The following TCEA2 variants were observed in gnomAD, a reference collection of about 807,000 sequenced individuals.
TCEA2 encodes transcription elongation factor A protein 2.
TCEA2 carries 21 observed loss-of-function variants against 40.8 expected under a neutral mutation model. The observed-to-expected ratio is 0.51, with a 90% CI of 0.36 to 0.74. The LOEUF (loss-of-function observed/expected upper bound fraction) is 0.74. TCEA2 is among the 30% of genes least tolerant of loss of function. The probability of loss-of-function intolerance (pLI) is 0.00; values close to 1 mark genes in which losing one functional copy is unlikely to be tolerated. For missense variants in TCEA2, 326 were observed against 426.5 expected, an observed-to-expected ratio of 0.76 and a Z score of 2.08; for synonymous variants, 165 against 162.7, an observed-to-expected ratio of 1.01 and a Z score of -0.11.
chr20:64,065,305 AC>A (rs869172119), intron 1 of TCEA2, among the ~76,000 whole-genome samples: 1 of 40,024 alleles, frequency 2.5e-5, no homozygotes, highest in Non-Finnish European at 7.9e-5. Context: ...GCGTGAGCAG[AC>A]TATGCCACCC....
At chr20:64,062,162 C>T (rs1027150053), upstream of TCEA2, among the ~76,000 whole-genome samples, 14 of 152,234 alleles carry the variant, frequency 9.2e-5, no homozygotes, top group South Asian at 2.1e-4. Context: ...CCTCATAGTT[C>T]GTTGGCCTGA....
At position 64,063,242 on chromosome 20, in the gene TCEA2, G is replaced by A. The variant is rs1012612908; in HGVS notation, c.-71G>A. 29 of 1,365,294 alleles carry A rather than the reference G, an allele frequency of 2.1e-5. No homozygotes were observed. In the African/African-American group the frequency reaches 3.8e-4, roughly 18 times the overall value. The allele number at this position is 1,365,294 out of a possible 1,614,324, so 84.6% of individuals were successfully genotyped here. A position where few individuals can be genotyped will look rare whatever the true frequency, so the allele number is the denominator to read the frequency against. ...TGCGGCGGGTGTGGGAGGTGGCGACGGCCGGGGCCGGGGTCCTGCCCGGCT... is the reference window on the plus strand; with the variant it reads ...TGCGGCGGGTGTGGGAGGTGGCGACAGCCGGGGCCGGGGTCCTGCCCGGCT... On this transcript the variant is annotated 5_prime_UTR_variant, in exon 1 of 10. Coordinates refer to ENST00000343484, the MANE Select transcript of TCEA2 (RefSeq NM_003195.6).
At chr20:64,069,929 G>A (rs1174326887) in intron 6 of TCEA2, 108 bp downstream of exon 6, 2 of 1,393,706 alleles carry the variant, frequency 1.4e-6, no homozygotes, top group Middle Eastern at 1.8e-4. Context: ...GCTGTCCAGG[G>A]GTCACCTGCC....
intron 4 of TCEA2, 72 bp from the exon 5 acceptor site, chr20:64,069,289 T>C: frequency 6.7e-7 from 1 of 1,497,410 alleles, no homozygotes; most frequent in South Asian, 1.3e-5. Context: ...CACCTGCTGC[T>C]TCTAGGACCA....
Position 64,058,039 on chromosome 20 carries a change from A to G in TCEA2, c.-84+388A>G, listed in dbSNP as rs2059496854. Reference sequence around the variant, plus strand: ...ATCCCACCGGATTGCAGGTTCCCTGATCACCAGGATGGGCCTACACCTCTC... The same window carrying G: ...ATCCCACCGGATTGCAGGTTCCCTGGTCACCAGGATGGGCCTACACCTCTC... On this transcript the variant is annotated intron_variant, in intron 1 of 10. Transcript: ENST00000361317. The surrounding 1 kb of genome is among the most constrained non-coding windows in gnomAD (Gnocchi z 6.7). 6.6e-6 allele frequency among the ~76,000 whole-genome samples: 1 copy of G among 152,166 alleles called. No individual in the cohort carries two copies. The highest frequency in any genetic ancestry group is 6.5e-5 in the Admixed American group (1 of 15,280).
chr20:64,059,693 G>T (rs1043516824), upstream of TCEA2, among the ~76,000 whole-genome samples: 2 of 151,800 alleles, frequency 1.3e-5, no homozygotes, highest in Non-Finnish European at 2.9e-5. Flanking sequence ...CTTTGTTCTC[G>T]ACCAGCTCCC....
intron 1 of TCEA2, chr20:64,064,316 T>C (rs921667428): frequency 6.6e-6 from 1 of 152,368 alleles, no homozygotes; most frequent in Non-Finnish European, 1.5e-5. Context: ...AGCGAGACTT[T>C]GGAGGAGGCT....
At position 64,067,015 on chromosome 20, in the gene TCEA2, T is replaced by A. The variant is rs1227792119; in HGVS notation, c.236T>A (p.Leu79His). ...AKSLIKSWKK[L>H]LDASDAKARE... ...TCTCTCATCAAGTCCTGGAAGAAGC[T>A]CCTGGGTGCGGCTCAGGCGGTGCCC... Residue 79 changes from leucine (L) to histidine (H), a missense_variant, in exon 3 of 10, where the codon CTC becomes CAC. Leu to His is a moderately conservative substitution (Grantham distance 99). Transcript: ENST00000343484. The A allele has an allele frequency of 1.2e-6, 2 of 1,611,734 alleles. No individual in the cohort carries two copies. The highest frequency in any genetic ancestry group is 2.2e-5 in the South Asian group (2 of 90,542).
At chr20:64,070,168 C>A in intron 6 of TCEA2, 92 bp from the exon 7 acceptor site, 2 of 1,562,690 alleles carry the variant, frequency 1.3e-6, no homozygotes, top group South Asian at 1.2e-5. Context: ...CAGAACCTTT[C>A]CAGCCCCCAC....
At chr20:64,064,179 G>A (rs564948879) in intron 1 of TCEA2, 3 of 152,410 alleles carry the variant, frequency 2.0e-5, no homozygotes, top group Admixed American at 6.5e-5. Flanking sequence ...GACACCCTCC[G>A]AAAAGAGCCG....
chr20:64,069,676 C>T, intron 5 of TCEA2, 89 bp from the exon 6 acceptor site: 5 of 1,549,112 alleles, frequency 3.2e-6, no homozygotes, highest in South Asian at 1.2e-5. Context: ...CCCGGATGTG[C>T]CCTCTAAGCT....
At chr20:64,070,085 G>T in intron 6 of TCEA2, 175 bp from the exon 7 acceptor site, 1 of 1,016,762 alleles carries the variant, frequency 9.8e-7, no homozygotes, top group Non-Finnish European at 1.5e-6. Context: ...ATGGGCCTGG[G>T]GCAGGCTTGG....
chr20:64,069,279 C>T (rs2059768615), intron 4 of TCEA2, 82 bp from the exon 5 acceptor site: 12 of 1,483,584 alleles, frequency 8.1e-6, no homozygotes, highest in Middle Eastern at 1.9e-4. Context: ...TATGCTGTGG[C>T]ACCTGCTGCT....
At position 64,072,278 on chromosome 20, in the gene TCEA2, C is replaced by T; in HGVS notation, c.*98C>T. Reference sequence around the variant, plus strand: ...GACCCTAGAAGGCGGCATGTCCTGCCCTCAACCTGCCTGCCTGGATTGCAC... The same window carrying T: ...GACCCTAGAAGGCGGCATGTCCTGCTCTCAACCTGCCTGCCTGGATTGCAC... On this transcript the variant is annotated 3_prime_UTR_variant, in exon 10 of 10. Coordinates refer to ENST00000343484, the MANE Select transcript of TCEA2 (RefSeq NM_003195.6). 7.6e-7 allele frequency: 1 copy of T among 1,308,512 alleles called. No individual in the cohort carries two copies. The highest frequency in any genetic ancestry group is 2.3e-5 in the East Asian group (1 of 42,668). 81.1% of individuals were successfully genotyped at this position (1,308,512 alleles called of 1,614,324 possible).
chr20:64,062,939 C>G (rs2059597333), upstream of TCEA2: 4 of 163,174 alleles, frequency 2.5e-5, no homozygotes, highest in Admixed American at 1.9e-4. Context: ...TCCTGGGGCC[C>G]GGTCGCTCCG....
In TCEA2 at chr20:64,063,291, G is replaced by T; in HGVS notation, c.-22G>T. The T allele has an allele frequency of 6.6e-7, 1 of 1,516,390 alleles. No individual in the cohort carries two copies. Among genetic ancestry groups the T allele is most frequent in the Non-Finnish European group, 8.8e-7 (1 of 1,134,410 alleles). 93.9% of individuals were successfully genotyped at this position (1,516,390 alleles called of 1,614,324 possible). Reference sequence around the variant, plus strand: ...CTGCGGAGGCGGGCGCGACGGGCGCGGGGGTCGCTGCTCCTGAGGCGATGA... The same window carrying T: ...CTGCGGAGGCGGGCGCGACGGGCGCTGGGGTCGCTGCTCCTGAGGCGATGA... On this transcript the variant is annotated 5_prime_UTR_variant, in exon 1 of 10. Coordinates refer to ENST00000343484, the MANE Select transcript of TCEA2 (RefSeq NM_003195.6).
chr20:64,059,565 T>C (rs2059523996), upstream of TCEA2, among the ~76,000 whole-genome samples: 1 of 133,180 alleles, frequency 7.5e-6, no homozygotes, highest in African/African-American at 2.6e-5. Flanking sequence ...CCCTTGTTCC[T>C]TATCCATCCT....
chr20:64,070,692 C>G, intron 8 of TCEA2, 57 bp downstream of exon 8: 1 of 1,467,412 alleles, frequency 6.8e-7, no homozygotes, highest in Non-Finnish European at 9.0e-7. Context: ...CATCTGGTGC[C>G]CCTCCTTGGA....
At chr20:64,066,421 G>A (rs889961132) in intron 1 of TCEA2, 55 bp from the exon 2 acceptor site, 3 of 1,582,782 alleles carry the variant, frequency 1.9e-6, no homozygotes, top group Non-Finnish European at 2.6e-6. Context: ...AGAAGGAGGT[G>A]ATATTGTCTG....
Sources: allele counts gnomAD v4.1 joint callset (sites outside exome capture counted in the v4.1 genomes callset), GRCh38; gene constraint gnomAD v4.1.1; non-coding constraint Gnocchi (gnomAD v3.1); transcripts MANE v1.5; gene names NCBI Gene and HGNC (gene_info 2026-07-23, HGNC 2026-07-21).